Variants in MAF observed in about 807,000 individuals in gnomAD.
MAF encodes the protein MAF bZIP transcription factor.
Under a neutral mutation model 22.0 loss-of-function variants are expected in MAF, and 10 were observed. The ratio of observed to expected loss-of-function variants is 0.45; its 90% confidence interval spans 0.28 to 0.77. The LOEUF (loss-of-function observed/expected upper bound fraction) is 0.77. Ranked by LOEUF, MAF falls within the 30% of genes least tolerant of loss-of-function variation. The pLI is 0.12. For synonymous variants in MAF, 337 were observed against 255.8 expected (o/e 1.32, Z -3.03); for missense variants, 544 against 548.4 (o/e 0.99, Z 0.08).
At chr16:79,381,946 C>T in the MAF span, among the ~76,000 whole-genome samples, 6 of 152,256 alleles carry the variant, frequency 3.9e-5, no homozygotes, top group Admixed American at 3.3e-4. Flanking sequence ...GGCTCAACAG[C>T]CCCCTTTTCC....
the MAF span, among the ~76,000 whole-genome samples, chr16:79,395,367 G>A: frequency 2.0e-5 from 3 of 152,292 alleles, no homozygotes; most frequent in African/African-American, 7.2e-5. Flanking sequence ...GGGGTACCAG[G>A]TTGAATAGGG....
the MAF span, among the ~76,000 whole-genome samples, chr16:79,358,435 G>T: frequency 6.6e-6 from 1 of 152,066 alleles, no homozygotes; most frequent in African/African-American, 2.4e-5. Context: ...TAATTTTGAT[G>T]ACGTTCATTT....
At chr16:79,284,436 G>T in the MAF span, among the ~76,000 whole-genome samples, 1 of 152,124 alleles carries the variant, frequency 6.6e-6, no homozygotes, top group African/African-American at 2.4e-5. Flanking sequence ...TATATGCTGG[G>T]CCTAAAGTAA....
At chr16:79,534,942 G>T in the MAF span, among the ~76,000 whole-genome samples, 4 of 152,106 alleles carry the variant, frequency 2.6e-5, no homozygotes, top group Non-Finnish European at 5.9e-5. Context: ...CTCATTTGTT[G>T]GTGATGATGA....
the MAF span, among the ~76,000 whole-genome samples, chr16:79,381,737 A>G: frequency 6.6e-6 from 1 of 152,266 alleles, no homozygotes; most frequent in African/African-American, 2.4e-5. Flanking sequence ...ACTATTTCTC[A>G]ACAGCTTGGA....
At chr16:79,316,824 G>A in the MAF span, among the ~76,000 whole-genome samples, 1 of 152,102 alleles carries the variant, frequency 6.6e-6, no homozygotes, top group Admixed American at 6.6e-5. Flanking sequence ...CTTCCTCTCT[G>A]GGCTGGTTGC....
the MAF span, among the ~76,000 whole-genome samples, chr16:79,250,518 C>A: frequency 6.6e-6 from 1 of 152,208 alleles, no homozygotes. Context: ...TTTGCAATGA[C>A]TTCCATTATA....
Position 79,599,801 on chromosome 16 carries a change from C to G in MAF, c.102G>C (p.Lys34Asn). 1 of 1,613,042 alleles carries G rather than the reference C, an allele frequency of 6.2e-7. No individual in the cohort carries two copies. Among genetic ancestry groups the G allele is most frequent in the Non-Finnish European group, 8.5e-7 (1 of 1,179,942 alleles). The change falls in exon 1 of 2, where the codon AAG becomes AAC. Residue 34 changes from lysine (K) to asparagine (N), a missense_variant. By Grantham distance (94) the Lys-to-Asn change is moderately conservative. Transcript: ENST00000326043. ...TGATGCGGTCGGTCTCCACCGGTTC[C>G]TTTTTCACTTCAAACTTCATCAGAT... ...DFDLMKFEVK[K>N]EPVETDRIIS...
chr16:79,531,580 T>C, the MAF span, among the ~76,000 whole-genome samples: 1 of 152,256 alleles, frequency 6.6e-6, no homozygotes, highest in South Asian at 2.1e-4. Context: ...CTGTGACAGA[T>C]CATCAGGCAT....
the MAF span, among the ~76,000 whole-genome samples, chr16:79,314,187 T>C: frequency 3.3e-5 from 5 of 152,194 alleles, no homozygotes; most frequent in Non-Finnish European, 7.3e-5. Flanking sequence ...GCATGTCTTA[T>C]GGTCAACAGA....
At chr16:79,563,851 T>G in the MAF span, among the ~76,000 whole-genome samples, 6 of 152,148 alleles carry the variant, frequency 3.9e-5, no homozygotes, top group Non-Finnish European at 7.3e-5. Context: ...GGTTGAGAAG[T>G]AAAAAGCCTT....
At chr16:79,227,568 T>C in the MAF span, among the ~76,000 whole-genome samples, 1 of 151,990 alleles carries the variant, frequency 6.6e-6, no homozygotes, top group Non-Finnish European at 1.5e-5. Flanking sequence ...CCTATTAACC[T>C]TGAACATTCA....
chr16:79,371,249 C>T, the MAF span, among the ~76,000 whole-genome samples: 4 of 151,980 alleles, frequency 2.6e-5, no homozygotes, highest in Non-Finnish European at 5.9e-5. Flanking sequence ...CACAGAGGCT[C>T]CCAGAGTAGT....
chr16:79,258,399 G>A, the MAF span, among the ~76,000 whole-genome samples: 13 of 152,292 alleles, frequency 8.5e-5, no homozygotes, highest in African/African-American at 2.6e-4. Flanking sequence ...GTCTCTAAGC[G>A]GACATGGGCT....
chr16:79,432,101 G>A, the MAF span, among the ~76,000 whole-genome samples: 16 of 152,304 alleles, frequency 1.1e-4, 1 homozygote, highest in African/African-American at 3.9e-4. Flanking sequence ...GGGACTAGGT[G>A]GAGGTAAATG....
chr16:79,362,142 T>G, the MAF span, among the ~76,000 whole-genome samples: 1 of 152,190 alleles, frequency 6.6e-6, no homozygotes, highest in Non-Finnish European at 1.5e-5. Flanking sequence ...CTATTCACAG[T>G]GCTTACCTCA....
chr16:79,591,402 T>C (rs1330182729), downstream of MAF, among the ~76,000 whole-genome samples: 3 of 152,142 alleles, frequency 2.0e-5, no homozygotes, highest in Non-Finnish European at 4.4e-5. Flanking sequence ...CTCCTTCTAA[T>C]TGTAACTAAA....
chr16:79,561,585 C>G, the MAF span, among the ~76,000 whole-genome samples: 1 of 151,486 alleles, frequency 6.6e-6, no homozygotes, highest in Admixed American at 6.6e-5. Flanking sequence ...TTTGTCCTTG[C>G]GATAGTTTGC....
chr16:79,335,396 A>G, the MAF span, among the ~76,000 whole-genome samples: 1 of 152,160 alleles, frequency 6.6e-6, no homozygotes, highest in East Asian at 1.9e-4. Flanking sequence ...TTCTTCGAAG[A>G]AGAAGAGCTA....
Sources: allele counts gnomAD v4.1 joint callset (sites outside exome capture counted in the v4.1 genomes callset), GRCh38; gene constraint gnomAD v4.1.1; transcripts MANE v1.5; gene names NCBI Gene and HGNC (gene_info 2026-07-23, HGNC 2026-07-21).